Variants in BACE2 observed in about 807,000 individuals in gnomAD.
The protein encoded by BACE2 is 56 kDa aspartic-like protease.
In BACE2, 17 loss-of-function variants were observed where a neutral mutation model predicts 46.2. The observed-to-expected ratio is 0.37, with a 90% CI of 0.25 to 0.55. BACE2 has a LOEUF of 0.55. Among genes scored for constraint, BACE2 ranks in the 20% least tolerant of loss-of-function variants. The pLI, the probability that BACE2 is intolerant of heterozygous loss-of-function variation, is 0.82. For missense variants in BACE2, 595 were observed against 698.1 expected, an observed-to-expected ratio of 0.85 and a Z score of 1.66; for synonymous variants, 277 against 295.9, an observed-to-expected ratio of 0.94 and a Z score of 0.66.
rs532562808 is a variant in BACE2 at position 41,236,527 on chromosome 21, G to C, written c.402-986G>C. 7.9e-5 allele frequency: 12 copies of C among 152,328 alleles called. No homozygotes were observed. The East Asian group carries it at 2.3e-3, about 29-fold the overall frequency. The allele number at this position is 152,328 out of a possible 1,614,324, so 9.4% of individuals were successfully genotyped here. On this transcript the variant is annotated intron_variant, in intron 2 of 8. Coordinates refer to ENST00000330333, the MANE Select transcript of BACE2 (RefSeq NM_012105.5). ...AGGGCCACGTGAGTGTCAGGCTCTC[G>C]GTCATGTCACAGTGATTCATGTTCT...
chr21:41,228,430 AG>A (rs1477046339), intron 2 of BACE2, among the ~76,000 whole-genome samples: 1 of 152,202 alleles, frequency 6.6e-6, no homozygotes, highest in Admixed American at 6.5e-5. Context: ...GAGTTTATAA[AG>A]AAAAGAGGTT....
At position 41,175,100 on chromosome 21, in the gene BACE2, TCAC is replaced by T. The variant is rs1984768001; in HGVS notation, c.312+6526_312+6528del. The T allele has an allele frequency of 2.0e-5, 3 of 152,122 alleles. 1 individual carries two copies. The highest frequency in any genetic ancestry group is 2.0e-4 in the Admixed American group (3 of 15,276). 9.4% of individuals were successfully genotyped at this position (152,122 alleles called of 1,614,324 possible). The stretch of plus-strand genomic sequence containing the variant: ...TGCTACTCAATACAAAAAAAAGTGG[TCAC>T]TTTTTTGCTCTTAGAATTCTCAAAA... On this transcript the variant is annotated intron_variant, in intron 1 of 8. Transcript: ENST00000330333.
chr21:41,216,120 C>A (rs1986459656), intron 1 of BACE2, among the ~76,000 whole-genome samples: 1 of 151,832 alleles, frequency 6.6e-6, no homozygotes, highest in South Asian at 2.1e-4. Flanking sequence ...CTATTTTTAT[C>A]TCTGTGGTTG....
chr21:41,223,037 A>G (rs2123567830), intron 1 of BACE2, among the ~76,000 whole-genome samples: 1 of 152,286 alleles, frequency 6.6e-6, no homozygotes, highest in Middle Eastern at 3.4e-3. Context: ...GCTGTAACTA[A>G]GTACACAAAC....
intron 2 of BACE2, among the ~76,000 whole-genome samples, chr21:41,233,361 T>C (rs1311050749): frequency 6.7e-6 from 1 of 149,582 alleles, no homozygotes; most frequent in Non-Finnish European, 1.5e-5. Flanking sequence ...CATAGAGAAA[T>C]AAATAACTTG....
intron 1 of BACE2, among the ~76,000 whole-genome samples, chr21:41,188,092 C>T (rs1601250401): frequency 6.6e-6 from 1 of 152,342 alleles, no homozygotes; most frequent in East Asian, 1.9e-4. Flanking sequence ...GGGGCAACTT[C>T]TATGATCCCT....
At chr21:41,210,409 G>T (rs1461588763) in intron 1 of BACE2, among the ~76,000 whole-genome samples, 3 of 152,194 alleles carry the variant, frequency 2.0e-5, no homozygotes, top group East Asian at 1.9e-4. Context: ...GTGGCAACAA[G>T]ATACCAACTT....
rs1313056443 is a variant in BACE2 at position 41,237,493 on chromosome 21, C to T, written c.402-20C>T. ...AATAAAATAAAATGAATACAATATGCTTTTCTTTTCTTTCTCCAGGTCTAG... is the reference window on the plus strand; with the variant it reads ...AATAAAATAAAATGAATACAATATGTTTTTCTTTTCTTTCTCCAGGTCTAG... On this transcript the variant is annotated intron_variant, in intron 2 of 8. Coordinates refer to ENST00000330333, the MANE Select transcript of BACE2 (RefSeq NM_012105.5). The T allele has an allele frequency of 6.6e-7, 1 of 1,515,144 alleles. No homozygotes were observed. The highest frequency in any genetic ancestry group is 2.3e-5 in the East Asian group (1 of 44,038). The allele number at this position is 1,515,144 out of a possible 1,614,324, so 93.9% of individuals were successfully genotyped here. A position where few individuals can be genotyped will look rare whatever the true frequency, so the allele number is the denominator to read the frequency against.
In BACE2 at chr21:41,168,583, C is replaced by A. The variant is rs768681821; in HGVS notation, c.312+8C>A. ...GGGACCCCCCCGCAGAAGGTAGGGACCCCCGGCTGCTGCCGCGGGCTTTTC... is the reference window on the plus strand; with the variant it reads ...GGGACCCCCCCGCAGAAGGTAGGGAACCCCGGCTGCTGCCGCGGGCTTTTC... On this transcript the variant is annotated splice_region_variant and intron_variant, in intron 1 of 8. Coordinates refer to ENST00000330333, the MANE Select transcript of BACE2 (RefSeq NM_012105.5). 5.0e-5 allele frequency: 66 copies of A among 1,315,570 alleles called. No individual in the cohort carries two copies. The highest frequency in any genetic ancestry group is 6.3e-5 in the Admixed American group (2 of 31,686). The allele number at this position is 1,315,570 out of a possible 1,614,324, so 81.5% of individuals were successfully genotyped here. A position where few individuals can be genotyped will look rare whatever the true frequency, so the allele number is the denominator to read the frequency against.
intron 1 of BACE2, chr21:41,177,567 A>G (rs1450760167): frequency 6.6e-6 from 1 of 152,276 alleles, no homozygotes; most frequent in Non-Finnish European, 1.5e-5. Flanking sequence ...CCTCTCTGTC[A>G]CCTTCCCAAG....
At chr21:41,191,398 G>T (rs777514616) in intron 1 of BACE2, among the ~76,000 whole-genome samples, 2 of 152,178 alleles carry the variant, frequency 1.3e-5, no homozygotes, top group African/African-American at 4.8e-5. Context: ...ATACCATGAC[G>T]GTGGATAATG....
intron 8 of BACE2, among the ~76,000 whole-genome samples, chr21:41,261,916 G>A (rs937559273): frequency 2.0e-4 from 31 of 152,078 alleles, no homozygotes; most frequent in Admixed American, 2.0e-3. Context: ...ACCAGTATGT[G>A]TATATAGGTG....
At chr21:41,235,234 T>C (rs1987082749) in intron 2 of BACE2, among the ~76,000 whole-genome samples, 1 of 152,232 alleles carries the variant, frequency 6.6e-6, no homozygotes, top group African/African-American at 2.4e-5. Flanking sequence ...GTCTGTCTCA[T>C]TGACGTATTT....
At chr21:41,192,816 A>G (rs1458299811) in intron 1 of BACE2, among the ~76,000 whole-genome samples, 1 of 152,212 alleles carries the variant, frequency 6.6e-6, no homozygotes, top group Non-Finnish European at 1.5e-5. Context: ...CTGGAGTAAC[A>G]CACCCAAATG....
intron 2 of BACE2, among the ~76,000 whole-genome samples, chr21:41,235,201 G>A (rs1987082069): frequency 6.6e-6 from 1 of 152,160 alleles, no homozygotes; most frequent in Non-Finnish European, 1.5e-5. Flanking sequence ...ATATTTGAGT[G>A]TAATAAATAG....
chr21:41,205,731 T>C (rs534812841), intron 1 of BACE2, among the ~76,000 whole-genome samples: 1 of 152,318 alleles, frequency 6.6e-6, no homozygotes, highest in Admixed American at 6.5e-5. Context: ...CTGTAGTTGC[T>C]TGTACTTCAT....
intron 1 of BACE2, chr21:41,184,018 A>G (rs912732169): frequency 2.4e-5 from 4 of 167,058 alleles, no homozygotes; most frequent in East Asian, 1.9e-4. Flanking sequence ...CTTTTTGGCT[A>G]TTTCTTTTTA....
At chr21:41,177,294 A>G (rs564026869) in intron 1 of BACE2, 11 of 152,400 alleles carry the variant, frequency 7.2e-5, no homozygotes, top group African/African-American at 2.6e-4. Context: ...CTCAGGTGGG[A>G]CACCATCAAG....
chr21:41,236,407 C>T (rs1987119026), intron 2 of BACE2, among the ~76,000 whole-genome samples: 1 of 152,190 alleles, frequency 6.6e-6, no homozygotes, highest in Admixed American at 6.5e-5. Flanking sequence ...ACCATTCCCG[C>T]ATTCATTATC....
Sources: gnomAD v4.1 joint callset for allele counts (sites outside exome capture counted in the v4.1 genomes callset) on GRCh38, gnomAD v4.1.1 for gene constraint, MANE v1.5 for transcripts, NCBI Gene and HGNC (gene_info 2026-07-23, HGNC 2026-07-21) for gene names.